The following PXDN variants were observed in gnomAD, a reference collection of about 807,000 sequenced individuals.
PXDN encodes the protein peroxidasin homolog.
PXDN carries 77 observed loss-of-function variants against 140.3 expected under a neutral mutation model. The observed-to-expected ratio is 0.55, with a 90% CI of 0.46 to 0.66. The LOEUF (loss-of-function observed/expected upper bound fraction) is 0.66, where lower values mean the gene tolerates loss of function less well. Ranked by LOEUF, PXDN falls within the 30% of genes least tolerant of loss-of-function variation. The pLI is 0.00. For synonymous variants in PXDN, 911 were observed against 857.4 expected (o/e 1.06, Z -1.09); for missense variants, 1,838 against 2,039.5 (o/e 0.90, Z 1.90).
chr2:1,734,644 G>A (rs548345245), intron 1 of PXDN, among the ~76,000 whole-genome samples: 15 of 152,218 alleles, frequency 9.9e-5, no homozygotes, highest in South Asian at 2.1e-4. Flanking sequence ...CAAGGCGGGC[G>A]GATCACGAGG....
At position 1,634,203 on chromosome 2, in the gene PXDN, C is replaced by A. The variant is rs886038586; in HGVS notation, c.*1G>T. Reference sequence around the variant, plus strand: ...CAAACTCTGAGGAGCCTCCCAGGAGCCTAGGGCTTTTCCTCCGCCCTCTTC... The same window carrying A: ...CAAACTCTGAGGAGCCTCCCAGGAGACTAGGGCTTTTCCTCCGCCCTCTTC... On this transcript the variant is annotated 3_prime_UTR_variant, in exon 23 of 23. Transcript: ENST00000252804. The A allele has an allele frequency of 5.1e-6, 8 of 1,573,362 alleles. No individual in the cohort carries two copies. Among genetic ancestry groups the A allele is most frequent in the South Asian group, 1.2e-5 (1 of 85,524 alleles).
In PXDN at chr2:1,653,716, C is replaced by G. The variant is rs1401562157; in HGVS notation, c.2016G>C (p.Gln672His). ...RYPRDPYTVEQARAGEIFERT... is the reference protein window; with the variant it reads ...RYPRDPYTVEHARAGEIFERT... ...GTTCAAAGATTTCTCCCGCCCGTGC[C>G]TGTTCAACTGTGTAAGGATCCCTCG... is the stretch of plus-strand genomic sequence containing the variant. The change falls in exon 16 of 23, where the codon CAG becomes CAC. Residue 672 changes from glutamine to histidine, a missense_variant. Coordinates refer to ENST00000252804, the MANE Select transcript of PXDN (RefSeq NM_012293.3). 1.2e-6 allele frequency: 2 copies of G among 1,603,912 alleles called. No homozygotes were observed.
rs115907519 is a variant in PXDN at position 1,643,232 on chromosome 2, G to A, written c.3952+136C>T. 3.4e-3 allele frequency: 3,261 copies of A among 960,656 alleles called. 7 individuals are homozygous for A. Among genetic ancestry groups the A allele is most frequent in the Non-Finnish European group, 3.9e-3 (2,575 of 654,578 alleles). 59.5% of individuals were successfully genotyped at this position (960,656 alleles called of 1,614,324 possible). ...GTCCATCTCAGCATGGATACAGCACGATTTAAATCTAAAGCTGAATATTTT... is the reference window on the plus strand; with the variant it reads ...GTCCATCTCAGCATGGATACAGCACAATTTAAATCTAAAGCTGAATATTTT... On this transcript the variant is annotated intron_variant, in intron 19 of 22. Coordinates refer to ENST00000252804, the MANE Select transcript of PXDN (RefSeq NM_012293.3).
chr2:1,634,373 G>A (rs1682493344), intron 22 of PXDN, 50 bp from the exon 23 acceptor site: 3 of 1,529,616 alleles, frequency 2.0e-6, no homozygotes, highest in East Asian at 4.9e-5. Context: ...ATGGCCTTCA[G>A]GTGAGCAAAG....
chr2:1,710,404 T>C (rs1684723426), intron 1 of PXDN, among the ~76,000 whole-genome samples: 1 of 152,234 alleles, frequency 6.6e-6, no homozygotes, highest in African/African-American at 2.4e-5. Context: ...CAGCACACGG[T>C]GGTGGTATTA....
chr2:1,676,868 G>T, intron 8 of PXDN, 59 bp downstream of exon 8: 2 of 1,489,846 alleles, frequency 1.3e-6, no homozygotes, highest in Non-Finnish European at 9.2e-7. Context: ...GTGTGGTTTG[G>T]GTGTCTGAGT....
At chr2:1,663,872 C>T (rs951498269) in intron 11 of PXDN, 109 bp from the exon 12 acceptor site, 107 of 1,432,330 alleles carry the variant, frequency 7.5e-5, no homozygotes, top group African/African-American at 2.1e-4. Flanking sequence ...GTCGGGGCGC[C>T]GGATAATTTG....
At chr2:1,705,546 C>T (rs1436978744) in intron 1 of PXDN, among the ~76,000 whole-genome samples, 1 of 148,796 alleles carries the variant, frequency 6.7e-6, no homozygotes, top group Non-Finnish European at 1.5e-5. Context: ...TGCCCACGAC[C>T]TGGGACGCAG....
At chr2:1,653,959 A>G in intron 15 of PXDN, 174 bp from the exon 16 acceptor site, 2 of 717,204 alleles carry the variant, frequency 2.8e-6, no homozygotes, top group Admixed American at 3.4e-5. Flanking sequence ...AAACAAAACA[A>G]ACAGACAAAA....
In PXDN at chr2:1,687,773, T is replaced by C. The variant is rs2125447202; in HGVS notation, c.345-70A>G. 2.5e-6 allele frequency: 3 copies of C among 1,187,096 alleles called. No homozygotes were observed. The highest frequency in any genetic ancestry group is 3.6e-6 in the Non-Finnish European group (3 of 824,998). The allele number at this position is 1,187,096 out of a possible 1,614,324, so 73.5% of individuals were successfully genotyped here. A position where few individuals can be genotyped will look rare whatever the true frequency, so the allele number is the denominator to read the frequency against. On this transcript the variant is annotated intron_variant, in intron 3 of 22. Coordinates refer to ENST00000252804, the MANE Select transcript of PXDN (RefSeq NM_012293.3). The surrounding 1 kb of genome is among the most constrained non-coding windows in gnomAD (Gnocchi z 4.0). ...TCAAACTTCAGACGGAAAAGAAGAATTAAATTGACACATGGAGACAGTTTT... is the reference window on the plus strand; with the variant it reads ...TCAAACTTCAGACGGAAAAGAAGAACTAAATTGACACATGGAGACAGTTTT...
intron 9 of PXDN, among the ~76,000 whole-genome samples, chr2:1,671,020 G>A (rs1683563136): frequency 6.6e-6 from 1 of 152,056 alleles, no homozygotes; most frequent in Admixed American, 6.5e-5. Context: ...AAGGACAAAG[G>A]AAGTGGGAAC....
chr2:1,661,474 G>A (rs1267770708), intron 13 of PXDN, among the ~76,000 whole-genome samples: 4 of 152,246 alleles, frequency 2.6e-5, no homozygotes, highest in African/African-American at 9.6e-5. Flanking sequence ...AGGAACAAGA[G>A]CAGATGCCTG....
intron 3 of PXDN, among the ~76,000 whole-genome samples, chr2:1,690,222 T>G (rs1465094469): frequency 6.6e-6 from 1 of 152,202 alleles, no homozygotes; most frequent in East Asian, 1.9e-4. Flanking sequence ...TGGTCTTTAG[T>G]CCGTTTCTGA....
At chr2:1,742,696 A>T (rs10202812) in intron 1 of PXDN, among the ~76,000 whole-genome samples, 49,383 of 152,080 alleles carry the variant, frequency 0.32, 8,918 homozygotes, top group East Asian at 0.56. Context: ...ACCCGGCTCC[A>T]TTCTAAAAGT....
At position 1,648,180 on chromosome 2, in the gene PXDN, T is replaced by C. The variant is rs1682897871; in HGVS notation, c.3600A>G (p.Lys1200=). The change falls in exon 17 of 23, where the codon AAA becomes AAG. Residue 1200 remains lysine, a synonymous_variant. Coordinates refer to ENST00000252804, the MANE Select transcript of PXDN (RefSeq NM_012293.3). This position sits in a 1 kb window ranked among gnomAD's most constrained non-coding sequence, Gnocchi z 8.9. ...CAGCCTCTTCAGCTCACCTTTTCAG[T>C]TTCTCCCGGATCTCAGGGTTTTTAA... ...NEIKNPEIRE[K]LKRLYGSTLN... 6.2e-7 allele frequency: 1 copy of C among 1,611,150 alleles called. No individual in the cohort carries two copies. The highest frequency in any genetic ancestry group is 8.5e-7 in the Non-Finnish European group (1 of 1,177,564).
At chr2:1,719,122 C>A (rs1355637059) in intron 1 of PXDN, among the ~76,000 whole-genome samples, 1 of 152,210 alleles carries the variant, frequency 6.6e-6, no homozygotes, top group Non-Finnish European at 1.5e-5. Context: ...GCGAGCCAGC[C>A]TGGGGCCCTG....
At chr2:1,683,830 T>G in intron 5 of PXDN, 103 bp from the exon 6 acceptor site, 1 of 980,278 alleles carries the variant, frequency 1.0e-6, no homozygotes, top group Non-Finnish European at 1.5e-6. Flanking sequence ...TAAAAAAATC[T>G]CAGTGATTAC....
At position 1,660,957 on chromosome 2, in the gene PXDN, T is replaced by C. The variant is rs1683290790; in HGVS notation, c.1761A>G (p.Ala587=). The change falls in exon 14 of 23, where the codon GCA becomes GCG. Residue 587 remains alanine (A), a synonymous_variant. Coordinates refer to ENST00000252804, the MANE Select transcript of PXDN (RefSeq NM_012293.3). This position sits in a 1 kb window ranked among gnomAD's most constrained non-coding sequence, Gnocchi z 4.6. ...GFLTINDVGP[A]DAGRYECVAR... is the part of the protein sequence containing the mutation. ...CCACACACTCATAGCGACCTGCGTCTGCAGGGCCAACGTCATTGATGGTCA... is the reference window on the plus strand; with the variant it reads ...CCACACACTCATAGCGACCTGCGTCCGCAGGGCCAACGTCATTGATGGTCA... The C allele has an allele frequency of 6.2e-7, 1 of 1,613,936 alleles. No individual in the cohort carries two copies. The highest frequency in any genetic ancestry group is 8.5e-7 in the Non-Finnish European group (1 of 1,179,922).
intron 8 of PXDN, 100 bp from the exon 9 acceptor site, chr2:1,673,912 C>G: frequency 7.5e-7 from 1 of 1,330,228 alleles, no homozygotes; most frequent in Non-Finnish European, 1.1e-6. Context: ...GCAGGCACAA[C>G]TTGTGCGAGG....
Sources: allele counts gnomAD v4.1 joint callset (sites outside exome capture counted in the v4.1 genomes callset), GRCh38; gene constraint gnomAD v4.1.1; non-coding constraint Gnocchi (gnomAD v3.1); transcripts MANE v1.5; gene names NCBI Gene and HGNC (gene_info 2026-07-23, HGNC 2026-07-21).